Variants in EPB41L2 observed in about 807,000 individuals in gnomAD.
The protein encoded by EPB41L2 is erythrocyte membrane protein band 4.1 like 2.
Under a neutral mutation model 113.0 loss-of-function variants are expected in EPB41L2, and 43 were observed. The observed-to-expected ratio is 0.38, with a 90% CI of 0.30 to 0.49. EPB41L2 has a LOEUF of 0.49. EPB41L2 is among the 20% of genes least tolerant of loss of function. The pLI is 0.95. For missense variants in EPB41L2, 1,147 were observed against 1,223.4 expected, an observed-to-expected ratio of 0.94 and a Z score of 0.93; for synonymous variants, 442 against 436.7, an observed-to-expected ratio of 1.01 and a Z score of -0.15.
At chr6:130,894,146 TCA>T (rs1793837743) in intron 10 of EPB41L2, among the ~76,000 whole-genome samples, 196 bp downstream of exon 10, 1 of 152,148 alleles carries the variant, frequency 6.6e-6, no homozygotes, top group South Asian at 2.1e-4. Flanking sequence ...ACCTCCTAAT[TCA>T]CAGAGGTTAC....
chr6:130,871,493 C>G (rs76566158), intron 14 of EPB41L2, among the ~76,000 whole-genome samples: 1,534 of 152,268 alleles, frequency 0.01, 33 homozygotes, highest in Admixed American at 0.041. Flanking sequence ...TAATAGACAG[C>G]AGGGCTGAGT....
Position 131,052,683 on chromosome 6 carries a change from G to C in EPB41L2, c.-15+10472C>G, listed in dbSNP as rs567541457. On this transcript the variant is annotated intron_variant, in intron 1 of 19. Coordinates refer to ENST00000337057, the MANE Select transcript of EPB41L2 (RefSeq NM_001431.4). Reference sequence around the variant, plus strand: ...TATATATAAGTTGGAAATTGGAAGAGAGGAGAAAATGGGAAGAGGGAGTTA... The same window carrying C: ...TATATATAAGTTGGAAATTGGAAGACAGGAGAAAATGGGAAGAGGGAGTTA... Among the ~76,000 whole-genome samples the C allele has an allele frequency of 2.6e-5, 4 of 152,294 alleles. No individual in the cohort carries two copies. In the East Asian group the frequency reaches 7.7e-4, roughly 29 times the overall value.
At chr6:130,934,289 A>T (rs1014842016) in intron 3 of EPB41L2, among the ~76,000 whole-genome samples, 2 of 152,286 alleles carry the variant, frequency 1.3e-5, no homozygotes, top group Non-Finnish European at 2.9e-5. Flanking sequence ...TTAAAAACAT[A>T]ATTCCAGTAG....
At chr6:130,874,435 A>G (rs1351888078) in intron 14 of EPB41L2, among the ~76,000 whole-genome samples, 1 of 152,174 alleles carries the variant, frequency 6.6e-6, no homozygotes, top group African/African-American at 2.4e-5. Context: ...ATTAACAGTA[A>G]AATGAAGATA....
At chr6:131,007,536 T>C (rs1012658750) in intron 1 of EPB41L2, among the ~76,000 whole-genome samples, 1 of 151,940 alleles carries the variant, frequency 6.6e-6, no homozygotes, top group East Asian at 1.9e-4. Flanking sequence ...CAGGCAGAGG[T>C]TGGAACAGTT....
At chr6:130,983,855 C>T (rs1244469197) in intron 1 of EPB41L2, among the ~76,000 whole-genome samples, 2 of 152,102 alleles carry the variant, frequency 1.3e-5, no homozygotes, top group Non-Finnish European at 2.9e-5. Flanking sequence ...AAACACTGTA[C>T]ACTTAGGCCA....
In EPB41L2 at chr6:130,979,191, A is replaced by G. The variant is rs1356737709; in HGVS notation, c.-14-22692T>C. 2.6e-5 allele frequency among the ~76,000 whole-genome samples: 4 copies of G among 152,128 alleles called. No individual in the cohort carries two copies. The East Asian group carries it at 7.7e-4, about 29-fold the overall frequency. ...CACATGAGACCAACTGACACAATGA[A>G]AGGAAACTGACTGGCCGGGTGTGGT... is the stretch of plus-strand genomic sequence containing the variant. On this transcript the variant is annotated intron_variant, in intron 1 of 19. Transcript: ENST00000337057.
chr6:130,872,456 G>A, intron 14 of EPB41L2: 1 of 1,289,378 alleles, frequency 7.8e-7, no homozygotes. Flanking sequence ...TGTCCAAGTG[G>A]TGGCTGAAGT....
intron 1 of EPB41L2, among the ~76,000 whole-genome samples, chr6:131,051,838 C>G (rs1215475914): frequency 6.6e-6 from 1 of 152,088 alleles, no homozygotes; most frequent in African/African-American, 2.4e-5. Context: ...TTAAGACATG[C>G]AAGCCTCAAG....
intron 1 of EPB41L2, among the ~76,000 whole-genome samples, chr6:131,000,085 A>G (rs1784033620): frequency 6.6e-6 from 1 of 152,128 alleles, no homozygotes; most frequent in African/African-American, 2.4e-5. Context: ...TTCCCAATGC[A>G]CATCTCACTG....
intron 1 of EPB41L2, among the ~76,000 whole-genome samples, chr6:131,039,732 C>A (rs1307006586): frequency 1.3e-5 from 2 of 151,924 alleles, no homozygotes; most frequent in Non-Finnish European, 2.9e-5. Context: ...AAGAGGATGG[C>A]CAAAGTTGGG....
chr6:130,912,128 T>G (rs1405317713), intron 4 of EPB41L2, among the ~76,000 whole-genome samples: 1 of 152,158 alleles, frequency 6.6e-6, no homozygotes, highest in Non-Finnish European at 1.5e-5. Flanking sequence ...CTTGATGATC[T>G]CAGGTGGAGC....
chr6:130,930,465 G>GT lies in EPB41L2; in HGVS notation c.706-3757dup, dbSNP rs201696959. On this transcript the variant is annotated intron_variant, in intron 3 of 19. Coordinates refer to ENST00000337057, the MANE Select transcript of EPB41L2 (RefSeq NM_001431.4). The stretch of plus-strand genomic sequence containing the variant: ...CAATTTCTTGATTTGGAGTGCTCAA[G>GT]TATTACAAAATCTGAAAAAACTTGA... 6.5e-3 allele frequency among the ~76,000 whole-genome samples: 995 copies of GT among 152,248 alleles called. 14 individuals carry two copies. Among genetic ancestry groups the GT allele is most frequent in the African/African-American group, 0.023 (959 of 41,548 alleles).
intron 6 of EPB41L2, 151 bp downstream of exon 6, chr6:130,904,314 T>C (rs1468976854): frequency 2.3e-6 from 1 of 434,806 alleles, no homozygotes; most frequent in Non-Finnish European, 4.2e-6. Flanking sequence ...CATTTCAAAC[T>C]ATTTGGATGT....
intron 1 of EPB41L2, among the ~76,000 whole-genome samples, chr6:131,001,474 C>T (rs1185216653): frequency 1.3e-5 from 2 of 151,792 alleles, no homozygotes; most frequent in South Asian, 2.1e-4. Context: ...AGAGTGCTGC[C>T]AGAAAAAAAA....
chr6:131,012,516 T>TA (rs1476133095), intron 1 of EPB41L2, among the ~76,000 whole-genome samples: 1 of 147,850 alleles, frequency 6.8e-6, no homozygotes, highest in Non-Finnish European at 1.5e-5. Context: ...AACATCAGGC[T>TA]ACTTATTAAC....
At chr6:130,890,738 GTTAT>G (rs560982713) in intron 10 of EPB41L2, among the ~76,000 whole-genome samples, 2 of 152,210 alleles carry the variant, frequency 1.3e-5, no homozygotes, top group Non-Finnish European at 2.9e-5. Flanking sequence ...TATATCAAAG[GTTAT>G]TTATTTGTAT....
At chr6:130,872,581 T>G in intron 14 of EPB41L2, 2 of 1,264,148 alleles carry the variant, frequency 1.6e-6, no homozygotes, top group Non-Finnish European at 2.1e-6. Context: ...TAGCAATAAG[T>G]CAGAACAGAC....
At chr6:131,015,563 AT>A (rs966187492) in intron 1 of EPB41L2, among the ~76,000 whole-genome samples, 1 of 152,208 alleles carries the variant, frequency 6.6e-6, no homozygotes, top group African/African-American at 2.4e-5. Flanking sequence ...ATCAAACTAA[AT>A]GAGCAATTAA....
Sources: allele counts gnomAD v4.1 joint callset (sites outside exome capture counted in the v4.1 genomes callset), GRCh38; gene constraint gnomAD v4.1.1; transcripts MANE v1.5; gene names NCBI Gene and HGNC (gene_info 2026-07-23, HGNC 2026-07-21).